Variants in SVIL observed in about 807,000 individuals in gnomAD.
SVIL encodes the protein supervillin.
In SVIL, 101 loss-of-function variants were observed where a neutral mutation model predicts 240.4. The ratio of observed to expected loss-of-function variants is 0.42; its 90% CI spans 0.36 to 0.50. The LOEUF is 0.50. Ranked by LOEUF, SVIL falls within the 20% of genes least tolerant of loss-of-function variation. The pLI, the probability that SVIL is intolerant of heterozygous loss-of-function variation, is 0.01. For synonymous variants in SVIL, 999 were observed against 1,100.0 expected (o/e 0.91, Z 1.82); for missense variants, 2,512 against 2,818.7 (o/e 0.89, Z 2.46).
intron 1 of SVIL, among the ~76,000 whole-genome samples, chr10:29,730,888 T>A (rs1421775622): frequency 1.3e-5 from 2 of 152,216 alleles, no homozygotes; most frequent in African/African-American, 4.8e-5. Flanking sequence ...TAGAGGGCCA[T>A]TTATTCACAA....
At chr10:29,685,584 A>C (rs933249769) in intron 2 of SVIL, among the ~76,000 whole-genome samples, 3 of 152,110 alleles carry the variant, frequency 2.0e-5, no homozygotes, top group African/African-American at 4.8e-5. Context: ...GGCATCTGTT[A>C]TTTTCTGACT....
At chr10:29,632,863 A>G (rs1958155315) in intron 1 of SVIL, among the ~76,000 whole-genome samples, 1 of 147,780 alleles carries the variant, frequency 6.8e-6, no homozygotes, top group African/African-American at 2.5e-5. Context: ...ACACACACAC[A>G]GAGTATAGAC....
At chr10:29,468,086 C>T (rs1038358650) in intron 32 of SVIL, among the ~76,000 whole-genome samples, 9 of 152,144 alleles carry the variant, frequency 5.9e-5, no homozygotes, top group Non-Finnish European at 7.3e-5. Context: ...TTTCATCTCC[C>T]GGAAGAAGAA....
intron 2 of SVIL, among the ~76,000 whole-genome samples, chr10:29,668,937 A>G (rs1959548378): frequency 6.6e-6 from 1 of 152,070 alleles, no homozygotes; most frequent in Admixed American, 6.5e-5. Context: ...TAGAGTCAAT[A>G]CTCCTGGTTG....
At chr10:29,530,497 G>T in intron 11 of SVIL, 110 bp downstream of exon 11, 7 of 1,204,784 alleles carry the variant, frequency 5.8e-6, no homozygotes, top group Non-Finnish European at 8.5e-6. Context: ...TGTTGCCCAG[G>T]CTGGTCTCAA....
chr10:29,517,872 C>T (rs1950319105), intron 16 of SVIL, among the ~76,000 whole-genome samples: 1 of 152,196 alleles, frequency 6.6e-6, no homozygotes. Flanking sequence ...CTAACATACT[C>T]TTTAAGCAAT....
At chr10:29,577,388 G>C (rs547334462) in intron 1 of SVIL, among the ~76,000 whole-genome samples, 2 of 152,080 alleles carry the variant, frequency 1.3e-5, no homozygotes, top group Non-Finnish European at 2.9e-5. Context: ...TTACGCCTTT[G>C]AGTCCTCATA....
intron 1 of SVIL, among the ~76,000 whole-genome samples, chr10:29,692,144 G>A (rs1330570325): frequency 6.6e-6 from 1 of 152,222 alleles, no homozygotes; most frequent in African/African-American, 2.4e-5. Flanking sequence ...AAAGAATCGT[G>A]AACTTGGTTT....
At chr10:29,507,597 C>CCACACACA (rs60592993) in intron 17 of SVIL, 22,451 of 166,502 alleles carry the variant, frequency 0.13, 1,648 homozygotes, top group Middle Eastern at 0.2. Flanking sequence ...AATTGTACTG[C>CCACACACA]CACACACACA....
intron 31 of SVIL, 68 bp downstream of exon 31, chr10:29,471,070 C>CA: frequency 1.4e-6 from 2 of 1,406,802 alleles, no homozygotes; most frequent in Non-Finnish European, 2.0e-6. Context: ...TTTCAGCCCC[C>CA]AGCTTATAAA....
At chr10:29,496,232 G>A (rs1226480695) in intron 18 of SVIL, among the ~76,000 whole-genome samples, 2 of 152,276 alleles carry the variant, frequency 1.3e-5, no homozygotes, top group East Asian at 1.9e-4. Context: ...CTACAAGTAC[G>A]TCTCATTATA....
At chr10:29,481,790 TAAAC>T in intron 27 of SVIL, 62 bp from the exon 28 acceptor site, 1 of 1,560,196 alleles carries the variant, frequency 6.4e-7, no homozygotes. Flanking sequence ...AAGCCAAGCT[TAAAC>T]AAAGGAATCT....
chr10:29,536,126 C>T, intron 6 of SVIL, 57 bp from the exon 7 acceptor site: 1 of 1,497,838 alleles, frequency 6.7e-7, no homozygotes, highest in Non-Finnish European at 9.3e-7. Context: ...AACATATACA[C>T]AGACTTTACC....
Position 29,486,149 on chromosome 10 carries a change from T to C in SVIL, c.4715A>G (p.Lys1572Arg), listed in dbSNP as rs145784372. 3.7e-5 allele frequency: 59 copies of C among 1,614,214 alleles called. No homozygotes were observed. The highest frequency in any genetic ancestry group is 2.0e-4 in the African/African-American group (15 of 75,052). The part of the protein sequence containing the change: ...TNCIYRLMDD[K>R]LVPDDDYWGK... ...CCAGTAGTCGTCATCAGGAACAAGT[T>C]TGTCATCCATGAGACGGTAAATGCA... The change falls in exon 26 of 38, where the codon AAA becomes AGA. Residue 1572 changes from lysine (K) to arginine (R), a missense_variant. Lys to Arg is a conservative substitution (Grantham distance 26, BLOSUM62 2). Coordinates refer to ENST00000355867, the MANE Select transcript of SVIL (RefSeq NM_021738.3).
At chr10:29,598,574 T>A (rs1418638764) in intron 1 of SVIL, among the ~76,000 whole-genome samples, 1 of 152,180 alleles carries the variant, frequency 6.6e-6, no homozygotes, top group African/African-American at 2.4e-5. Flanking sequence ...ATGACCAACC[T>A]GAGCTGCAAA....
intron 1 of SVIL, among the ~76,000 whole-genome samples, chr10:29,712,371 A>T (rs935441814): frequency 6.6e-6 from 1 of 151,902 alleles, no homozygotes; most frequent in Non-Finnish European, 1.5e-5. Context: ...TTCCCAGGAG[A>T]GCTGGTTGTT....
chr10:29,678,602 C>G (rs11007695), intron 2 of SVIL, among the ~76,000 whole-genome samples: 4 of 152,162 alleles, frequency 2.6e-5, no homozygotes, highest in Admixed American at 2.0e-4. Flanking sequence ...TGCTAGAAAC[C>G]CTGCATCTGT....
intron 29 of SVIL, among the ~76,000 whole-genome samples, chr10:29,479,016 T>C (rs1248403992): frequency 6.6e-6 from 1 of 151,240 alleles, no homozygotes; most frequent in Non-Finnish European, 1.5e-5. Flanking sequence ...CACTACTCCC[T>C]GGAAGGAGAG....
chr10:29,572,301 G>A (rs994627707), intron 1 of SVIL, among the ~76,000 whole-genome samples: 40 of 151,962 alleles, frequency 2.6e-4, no homozygotes, highest in Non-Finnish European at 4.4e-4. Context: ...GAAAAACTAT[G>A]GCAAATAGGA....
Sources: gnomAD v4.1 joint callset for allele counts (sites outside exome capture counted in the v4.1 genomes callset) on GRCh38, gnomAD v4.1.1 for gene constraint, MANE v1.5 for transcripts, NCBI Gene and HGNC (gene_info 2026-07-23, HGNC 2026-07-21) for gene names.